CPVL: variants seen among roughly 807,000 people sequenced by gnomAD.
The protein encoded by CPVL is probable serine carboxypeptidase CPVL.
Under a neutral mutation model 63.7 loss-of-function variants are expected in CPVL, and 51 were observed. The observed-to-expected ratio is 0.80, with a 90% CI of 0.64 to 1.01. The LOEUF (loss-of-function observed/expected upper bound fraction) is 1.01. Among genes scored for constraint, CPVL ranks in the 50% least tolerant of loss-of-function variants. CPVL has a pLI of 0.00. For synonymous variants in CPVL, 195 were observed against 206.0 expected (o/e 0.95, Z 0.46); for missense variants, 530 against 573.1 (o/e 0.92, Z 0.77).
rs1789809127 is a variant in CPVL, at chr7:29,048,254, C to T, written c.1137+15807G>A. 1.3e-5 allele frequency among the ~76,000 whole-genome samples: 2 copies of T among 152,130 alleles called. 1 individual carries two copies. Among genetic ancestry groups the T allele is most frequent in the South Asian group, 4.1e-4 (2 of 4,832 alleles). ...GAATGCAAATGGCCTAAATGCTCCA[C>T]TTAAAAGATACAGAACTGCAAAATG... On this transcript the variant is annotated intron_variant, in intron 11 of 12. Coordinates refer to ENST00000265394, the MANE Select transcript of CPVL (RefSeq NM_031311.5).
intron 1 of CPVL, among the ~76,000 whole-genome samples, chr7:29,137,373 A>G (rs951114167): frequency 6.6e-6 from 1 of 152,154 alleles, no homozygotes. Flanking sequence ...TGGCCCACAG[A>G]TTGGCTGGAC....
chr7:29,034,419 C>T (rs1384622297), intron 11 of CPVL, among the ~76,000 whole-genome samples: 2 of 151,944 alleles, frequency 1.3e-5, no homozygotes, highest in African/African-American at 4.8e-5. Context: ...CCATAGAATG[C>T]TTTTTATTTA....
intron 3 of CPVL, among the ~76,000 whole-genome samples, chr7:29,112,108 G>A (rs1437467775): frequency 1.3e-5 from 2 of 152,152 alleles, no homozygotes; most frequent in East Asian, 1.9e-4. Context: ...GAAAGTGATG[G>A]CCTTTCCTGC....
intron 10 of CPVL, among the ~76,000 whole-genome samples, chr7:29,065,463 A>T (rs1783049640): frequency 2.4e-5 from 1 of 41,548 alleles, no homozygotes. Context: ...TGTTTGACTA[A>T]TTCTACACAA....
intron 7 of CPVL, among the ~76,000 whole-genome samples, chr7:29,083,408 C>T (rs1784925918): frequency 6.6e-6 from 1 of 152,204 alleles, no homozygotes; most frequent in Non-Finnish European, 1.5e-5. Context: ...CCTCAGGCAC[C>T]ATTCTGGCCA....
At chr7:29,136,942 A>G (rs1791287089) in intron 1 of CPVL, among the ~76,000 whole-genome samples, 1 of 152,112 alleles carries the variant, frequency 6.6e-6, no homozygotes, top group African/African-American at 2.4e-5. Context: ...AATCTCCTAG[A>G]TGTTCTTCAA....
In CPVL at chr7:29,080,985, G is replaced by A. The variant is rs552480109; in HGVS notation, c.609+5499C>T. Among the ~76,000 whole-genome samples, 10 of 152,312 alleles carry A rather than the reference G, an allele frequency of 6.6e-5. No individual in the cohort carries two copies. In the East Asian group the frequency reaches 1.5e-3, roughly 24 times the overall value. ...CCACATGCCCTGCTAGTTTGGAAGC[G>A]TTCCCATCCACTGCCACAACCTCCC... On this transcript the variant is annotated intron_variant, in intron 7 of 12. Coordinates refer to ENST00000265394, the MANE Select transcript of CPVL (RefSeq NM_031311.5).
intron 5 of CPVL, among the ~76,000 whole-genome samples, chr7:29,158,388 C>T (rs1794716260): frequency 6.6e-6 from 1 of 152,146 alleles, no homozygotes; most frequent in Non-Finnish European, 1.5e-5. Flanking sequence ...AAACATGTAA[C>T]ATGATGTCTG....
In CPVL at chr7:29,146,423, A is replaced by C; in HGVS notation, c.-11+6T>G. Reference sequence around the variant, plus strand: ...GCACGACCCACGCAGGGCAGGCGGCACTTACGCGGCGCAGTCGGTGCTCCT... The same window carrying C: ...GCACGACCCACGCAGGGCAGGCGGCCCTTACGCGGCGCAGTCGGTGCTCCT... On this transcript the variant is annotated splice_donor_region_variant and intron_variant, in intron 1 of 12. Coordinates refer to ENST00000265394, the MANE Select transcript of CPVL (RefSeq NM_031311.5). The C allele has an allele frequency of 2.7e-6, 3 of 1,106,020 alleles. No homozygotes were observed. The highest frequency in any genetic ancestry group is 3.7e-6 in the Non-Finnish European group (3 of 802,520). The allele number at this position is 1,106,020 out of a possible 1,614,324, so 68.5% of individuals were successfully genotyped here.
At chr7:29,175,179 CT>C (rs141269641) in intron 5 of CPVL, among the ~76,000 whole-genome samples, 17,859 of 142,780 alleles carry the variant, frequency 0.13, 1,193 homozygotes, top group African/African-American at 0.19. Flanking sequence ...TTTCTTTTTC[CT>C]TTTTTTTTTT....
chr7:29,097,731 G>C (rs1012660572), intron 3 of CPVL, among the ~76,000 whole-genome samples: 1 of 152,152 alleles, frequency 6.6e-6, no homozygotes, highest in African/African-American at 2.4e-5. Context: ...TGATTGGAGA[G>C]TGTGAAAAGG....
At position 29,071,786 on chromosome 7, in the gene CPVL, A is replaced by G; in HGVS notation, c.851T>C (p.Phe284Ser). ...CCCAGAACTCACTTCAAAGGCCTCA[A>G]ACCAGTTCTGCTTCCTGATGTGTTC... ...CIEHIRKQNW[F>S]EAFEILDKLL... is the part of the protein sequence containing the mutation. Residue 284 changes from phenylalanine to serine, a missense_variant, in exon 9 of 13, where the codon TTT becomes TCT. Phe to Ser is a radical substitution (Grantham distance 155). Transcript: ENST00000265394. 2 of 1,612,870 alleles carry G rather than the reference A, an allele frequency of 1.2e-6. No homozygotes were observed. Among genetic ancestry groups the G allele is most frequent in the Non-Finnish European group, 1.7e-6 (2 of 1,179,350 alleles).
chr7:29,195,324 C>T, upstream of CPVL: 1 of 307,394 alleles, frequency 3.3e-6, no homozygotes, highest in Non-Finnish European at 5.9e-6. Flanking sequence ...GCTGGCGGGG[C>T]GGAGAAGGTT....
chr7:29,138,275 C>CA (rs1012405225), intron 1 of CPVL, among the ~76,000 whole-genome samples: 4 of 151,908 alleles, frequency 2.6e-5, no homozygotes, highest in South Asian at 2.1e-4. Context: ...CCTGTCTCTA[C>CA]AAAAAAATAC....
chr7:29,174,341 C>T (rs927301390), intron 5 of CPVL, among the ~76,000 whole-genome samples: 1 of 152,132 alleles, frequency 6.6e-6, no homozygotes, highest in Non-Finnish European at 1.5e-5. Flanking sequence ...GGGGAAAGGA[C>T]AGAAGCAAAA....
At chr7:29,109,936 C>A (rs1303483381) in intron 3 of CPVL, among the ~76,000 whole-genome samples, 1 of 152,210 alleles carries the variant, frequency 6.6e-6, no homozygotes, top group Non-Finnish European at 1.5e-5. Context: ...GTAGAGCATG[C>A]AAACTAAATT....
intron 12 of CPVL, among the ~76,000 whole-genome samples, chr7:29,021,871 A>AC (rs1359455438): frequency 6.6e-6 from 1 of 151,306 alleles, no homozygotes; most frequent in Non-Finnish European, 1.5e-5. Context: ...CCCTGCAGAC[A>AC]CCCCCCTACA....
chr7:29,048,653 T>C (rs1789853061), intron 11 of CPVL, among the ~76,000 whole-genome samples: 1 of 152,006 alleles, frequency 6.6e-6, no homozygotes, highest in Non-Finnish European at 1.5e-5. Flanking sequence ...AAAGAAGCAA[T>C]GGATTTAAAC....
chr7:29,157,880 C>T (rs1263447145), intron 5 of CPVL, among the ~76,000 whole-genome samples: 1 of 152,092 alleles, frequency 6.6e-6, no homozygotes, highest in Non-Finnish European at 1.5e-5. Flanking sequence ...ATGTCATGTG[C>T]TAATGTAAAA....
Sources: allele counts gnomAD v4.1 joint callset (sites outside exome capture counted in the v4.1 genomes callset), GRCh38; gene constraint gnomAD v4.1.1; transcripts MANE v1.5; gene names NCBI Gene and HGNC (gene_info 2026-07-23, HGNC 2026-07-21).